The following SESTD1 variants were observed in gnomAD, a reference collection of about 807,000 sequenced individuals.
SESTD1 encodes the protein SEC14 domain and spectrin repeat-containing protein 1.
Under a neutral mutation model 101.7 loss-of-function variants are expected in SESTD1, and 43 were observed. The ratio of observed to expected loss-of-function variants is 0.42; its 90% CI spans 0.33 to 0.55. The LOEUF is 0.55. Among genes scored for constraint, SESTD1 ranks in the 20% least tolerant of loss-of-function variants. The probability of loss-of-function intolerance (pLI) is 0.07; values close to 1 mark genes in which losing one functional copy is unlikely to be tolerated. For missense variants in SESTD1, 647 were observed against 815.1 expected, an observed-to-expected ratio of 0.79 and a Z score of 2.51; for synonymous variants, 283 against 286.8, an observed-to-expected ratio of 0.99 and a Z score of 0.13.
intron 12 of SESTD1, among the ~76,000 whole-genome samples, chr2:179,122,827 C>G (rs1252588497): frequency 6.6e-6 from 1 of 152,094 alleles, no homozygotes; most frequent in East Asian, 1.9e-4. Context: ...ATCGGGGAGG[C>G]AGAGGTTGCA....
At chr2:179,172,092 G>T in intron 5 of SESTD1, 28 bp downstream of exon 5, 1 of 1,351,510 alleles carries the variant, frequency 7.4e-7, no homozygotes, top group Non-Finnish European at 1.1e-6. Context: ...AAGATATAAT[G>T]GACTTTAAAA....
intron 1 of SESTD1, among the ~76,000 whole-genome samples, chr2:179,217,697 A>G: frequency 6.6e-6 from 1 of 152,206 alleles, no homozygotes; most frequent in Non-Finnish European, 1.5e-5. Context: ...TTACTGCGGC[A>G]CTATTCACAA....
At position 179,143,818 on chromosome 2, in the gene SESTD1, G is replaced by C. The variant is rs201937541; in HGVS notation, c.638-15C>G. On this transcript the variant is annotated splice_polypyrimidine_tract_variant and intron_variant, in intron 8 of 17. Coordinates refer to ENST00000428443, the MANE Select transcript of SESTD1 (RefSeq NM_178123.5). Reference sequence around the variant, plus strand: ...CAATTCATGCCCTTTACAAATAAAAGATACTTGAAATTAATATCTGTAAAG... The same window carrying C: ...CAATTCATGCCCTTTACAAATAAAACATACTTGAAATTAATATCTGTAAAG... 1.6e-5 allele frequency: 25 copies of C among 1,607,552 alleles called. No homozygotes were observed. The highest frequency in any genetic ancestry group is 2.7e-5 in the African/African-American group (2 of 74,632).
At chr2:179,113,442 T>C (rs1177031018) in intron 16 of SESTD1, among the ~76,000 whole-genome samples, 1 of 152,214 alleles carries the variant, frequency 6.6e-6, no homozygotes, top group African/African-American at 2.4e-5. Context: ...GTAATCTCTA[T>C]AGTCCTTGAT....
intron 1 of SESTD1, among the ~76,000 whole-genome samples, chr2:179,232,725 T>C (rs1001257975): frequency 6.6e-6 from 1 of 152,138 alleles, no homozygotes; most frequent in Non-Finnish European, 1.5e-5. Flanking sequence ...AAAATATAGA[T>C]ATCCAGTATA....
rs2044457336 is a variant in SESTD1, at chr2:179,109,365, T to C, written c.*534A>G. ...ACTTTTAATACATTATCAATACAAA[T>C]AGGAAAAGGTCTTTTAATGACTATG... On this transcript the variant is annotated 3_prime_UTR_variant, in exon 18 of 18. Transcript: ENST00000428443. 2 of 204,100 alleles carry C rather than the reference T, an allele frequency of 9.8e-6. No homozygotes were observed. Among genetic ancestry groups the C allele is most frequent in the Non-Finnish European group, 9.8e-6 (1 of 102,560 alleles). 12.6% of individuals were successfully genotyped at this position (204,100 alleles called of 1,614,324 possible). A position where few individuals can be genotyped will look rare whatever the true frequency, so the allele number is the denominator to read the frequency against.
chr2:179,119,133 G>C (rs1271617858), intron 13 of SESTD1, among the ~76,000 whole-genome samples: 1 of 152,170 alleles, frequency 6.6e-6, no homozygotes, highest in Non-Finnish European at 1.5e-5. Context: ...TGAGCAAACA[G>C]GAAGTCACTG....
intron 3 of SESTD1, 22 bp downstream of exon 3, chr2:179,183,058 G>A (rs1429978680): frequency 1.3e-6 from 2 of 1,491,612 alleles, no homozygotes; most frequent in Non-Finnish European, 1.8e-6. Flanking sequence ...TGAGATTTAA[G>A]AAAAGACACC....
rs11884548 is a variant in SESTD1, at chr2:179,137,538, T to C, written c.850-5112A>G. Among the ~76,000 whole-genome samples the C allele has an allele frequency of 3.7e-3, 561 of 152,304 alleles. 2 individuals carry two copies. The highest frequency in any genetic ancestry group is 0.013 in the African/African-American group (531 of 41,574). The stretch of plus-strand genomic sequence containing the variant: ...CATTTGCAGTGCTGGCAGTAATTAC[T>C]GCCACAATAAATAATGAGCATAATG... On this transcript the variant is annotated intron_variant, in intron 9 of 17. Transcript: ENST00000428443.
intron 9 of SESTD1, among the ~76,000 whole-genome samples, chr2:179,134,012 ATAAG>A (rs1266582773): frequency 2.6e-5 from 4 of 152,250 alleles, no homozygotes; most frequent in Non-Finnish European, 5.9e-5. Context: ...AGTAGATATT[ATAAG>A]TAATCTAGAG....
At chr2:179,149,656 G>A (rs994083620) in intron 6 of SESTD1, among the ~76,000 whole-genome samples, 4 of 152,114 alleles carry the variant, frequency 2.6e-5, no homozygotes, top group African/African-American at 9.6e-5. Context: ...ATTCAGATAC[G>A]TGTTTCTTTG....
At chr2:179,212,407 CTG>C (rs1315886931) in intron 1 of SESTD1, among the ~76,000 whole-genome samples, 1 of 136,610 alleles carries the variant, frequency 7.3e-6, no homozygotes, top group African/African-American at 2.9e-5. Context: ...GCGCAGCAAT[CTG>C]AGATCAAACT....
chr2:179,200,659 C>A (rs973765662), intron 1 of SESTD1, among the ~76,000 whole-genome samples: 1 of 149,814 alleles, frequency 6.7e-6, no homozygotes, highest in African/African-American at 2.5e-5. Flanking sequence ...CTGAGAAAAA[C>A]AAGAAATGGG....
rs80278689 is a variant in SESTD1, at chr2:179,254,382, C to A, written c.-26+10117G>T. Among the ~76,000 whole-genome samples, 356 of 152,284 alleles carry A rather than the reference C, an allele frequency of 2.3e-3. 2 individuals carry two copies. The highest frequency in any genetic ancestry group is 0.022 in the East Asian group (113 of 5,180). ...CTACAGACTTTTTATTCTAGCTGAA[C>A]CAATCTGACTGCTAATTCCAAAGAG... On this transcript the variant is annotated intron_variant, in intron 1 of 17. Coordinates refer to ENST00000428443, the MANE Select transcript of SESTD1 (RefSeq NM_178123.5).
intron 9 of SESTD1, among the ~76,000 whole-genome samples, chr2:179,134,927 T>G (rs1345078014): frequency 1.3e-5 from 2 of 152,076 alleles, no homozygotes; most frequent in African/African-American, 4.8e-5. Context: ...ATATACAAAC[T>G]ATTGGTTTTT....
At chr2:179,247,994 T>A (rs1033541305) in intron 1 of SESTD1, among the ~76,000 whole-genome samples, 1 of 149,926 alleles carries the variant, frequency 6.7e-6, no homozygotes, top group Non-Finnish European at 1.5e-5. Context: ...AGAGAAAAAA[T>A]CTCAAACCAA....
Position 179,245,742 on chromosome 2 carries a change from C to T in SESTD1, c.-26+18757G>A, listed in dbSNP as rs553050737. On this transcript the variant is annotated intron_variant, in intron 1 of 17. Coordinates refer to ENST00000428443, the MANE Select transcript of SESTD1 (RefSeq NM_178123.5). ...AAAAAGGGAGGAAAAAGAAAACAGA[C>T]AAAAGAGAAACAGGGATGAACAGAA... Among the ~76,000 whole-genome samples the T allele has an allele frequency of 3.7e-4, 56 of 151,894 alleles. 1 individual carries two copies. The South Asian group carries it at 0.011, about 29-fold the overall frequency.
intron 2 of SESTD1, 136 bp from the exon 3 acceptor site, chr2:179,183,324 T>C (rs939400244): frequency 1.5e-5 from 8 of 522,752 alleles, no homozygotes; most frequent in African/African-American, 6.0e-5. Context: ...TGGCTACTTA[T>C]AGATTGTAAA....
In SESTD1 at chr2:179,163,746, C is replaced by T. The variant is rs531881510; in HGVS notation, c.369+8374G>A. On this transcript the variant is annotated intron_variant, in intron 5 of 17. Coordinates refer to ENST00000428443, the MANE Select transcript of SESTD1 (RefSeq NM_178123.5). The stretch of plus-strand genomic sequence containing the variant: ...AGTTAAGACAAGACAAATTAAATGA[C>T]TAAACCACAATATTGTATTAACTAG... Among the ~76,000 whole-genome samples, 93 of 152,182 alleles carry T rather than the reference C, an allele frequency of 6.1e-4. No individual in the cohort carries two copies. The Middle Eastern group carries it at 0.01, about 17-fold the overall frequency.
Sources: allele counts gnomAD v4.1 joint callset (sites outside exome capture counted in the v4.1 genomes callset), GRCh38; gene constraint gnomAD v4.1.1; transcripts MANE v1.5; gene names NCBI Gene and HGNC (gene_info 2026-07-23, HGNC 2026-07-21).